Variants in INPP5D observed in about 807,000 individuals in gnomAD.
INPP5D encodes the protein phosphatidylinositol 3,4,5-trisphosphate 5-phosphatase 1.
INPP5D carries 33 observed loss-of-function variants against 122.9 expected under a neutral mutation model. The observed-to-expected ratio is 0.27, with a 90% CI of 0.20 to 0.36. The LOEUF (loss-of-function observed/expected upper bound fraction) is 0.36. Among genes scored for constraint, INPP5D ranks in the 10% least tolerant of loss-of-function variants. INPP5D has a pLI of 1.00. For missense variants in INPP5D, 1,053 were observed against 1,412.7 expected (o/e 0.75, Z 4.08); for synonymous variants, 584 against 576.2 (o/e 1.01, Z -0.19).
chr2:233,123,540 C>G (rs887171594), intron 3 of INPP5D, among the ~76,000 whole-genome samples: 2 of 152,004 alleles, frequency 1.3e-5, no homozygotes, highest in South Asian at 4.1e-4. Context: ...ACCAATAGAG[C>G]AACAGTCAGA....
chr2:233,161,971 G>A (rs188454720), intron 11 of INPP5D, 145 bp downstream of exon 11: 71 of 1,290,396 alleles, frequency 5.5e-5, no homozygotes, highest in Non-Finnish European at 6.7e-5. Context: ...CAGCCCACCC[G>A]CACAACCTCC....
At chr2:233,174,104 G>A (rs868011830) in intron 17 of INPP5D, among the ~76,000 whole-genome samples, 7 of 152,324 alleles carry the variant, frequency 4.6e-5, no homozygotes, top group Middle Eastern at 3.4e-3. Context: ...GTTACCTCCT[G>A]AAGGACCTGC....
intron 1 of INPP5D, among the ~76,000 whole-genome samples, chr2:233,074,580 A>T (rs1456267682): frequency 6.6e-6 from 1 of 150,546 alleles, no homozygotes; most frequent in Non-Finnish European, 1.5e-5. Flanking sequence ...GTTGCCACAC[A>T]TTTTCTTGTC....
At chr2:233,198,412 C>T (rs1186257065) in intron 25 of INPP5D, 36 bp downstream of exon 25, 9 of 1,581,882 alleles carry the variant, frequency 5.7e-6, no homozygotes, top group Non-Finnish European at 6.9e-6. Context: ...CTCCCTCCCT[C>T]CTTATGAAAG....
rs1282037337 is a variant in INPP5D, at chr2:233,177,226, T to C, written c.1990-39T>C. 1 of 1,612,676 alleles carries C rather than the reference T, an allele frequency of 6.2e-7. No individual in the cohort carries two copies. Among genetic ancestry groups the C allele is most frequent in the Non-Finnish European group, 8.5e-7 (1 of 1,179,078 alleles). ...CTTTTACTGATTAAAAAAATAATAA[T>C]AAGAGGCATTTTTTAAAGCCTATGA... On this transcript the variant is annotated intron_variant, in intron 17 of 26. Coordinates refer to ENST00000445964, the MANE Select transcript of INPP5D (RefSeq NM_001017915.3). This position sits in a 1 kb window ranked among gnomAD's most constrained non-coding sequence, Gnocchi z 4.2.
intron 2 of INPP5D, among the ~76,000 whole-genome samples, chr2:233,103,525 G>A (rs1028204914): frequency 6.6e-6 from 1 of 152,018 alleles, no homozygotes; most frequent in Non-Finnish European, 1.5e-5. Flanking sequence ...AGAGAGATTG[G>A]AGAACGGCAA....
chr2:233,131,174 C>T, intron 5 of INPP5D: 1 of 965,676 alleles, frequency 1.0e-6, no homozygotes, highest in Non-Finnish European at 1.2e-6. Context: ...GGTAAAGGTT[C>T]TGATTTCTTT....
intron 2 of INPP5D, among the ~76,000 whole-genome samples, chr2:233,080,325 A>T (rs1691643673): frequency 6.6e-6 from 1 of 152,198 alleles, no homozygotes; most frequent in African/African-American, 2.4e-5. Flanking sequence ...TCGCCACAAA[A>T]TGTGACAACT....
chr2:233,169,350 C>T lies in INPP5D; in HGVS notation c.1601C>T (p.Ser534Phe), dbSNP rs1398276891. 6.2e-7 allele frequency: 1 copy of T among 1,606,312 alleles called. No individual in the cohort carries two copies. Among genetic ancestry groups the T allele is most frequent in the Admixed American group, 1.7e-5 (1 of 58,888 alleles). ...VGVSFMFNGTSLGFVNSHLTS... is the reference protein window; with the variant it reads ...VGVSFMFNGTFLGFVNSHLTS... ...GTGTCGTTCATGTTCAATGGAACCT[C>T]CTTAGGGTTCGTCAACAGCCACTTG... is the stretch of plus-strand genomic sequence containing the variant. The change falls in exon 14 of 27, where the codon TCC becomes TTC. Residue 534 changes from serine to phenylalanine, a missense_variant. Around this residue, in one of 6 missense-constraint regions of INPP5D, gnomAD observed 258 missense variants for 439.1 expected, o/e 0.59. Transcript: ENST00000445964.
chr2:233,158,222 G>A (rs1694105675), intron 9 of INPP5D, 91 bp from the exon 10 acceptor site: 1 of 619,656 alleles, frequency 1.6e-6, no homozygotes, highest in Non-Finnish European at 2.9e-6. Context: ...GGGGACGGGA[G>A]TTGATAGTCA....
chr2:233,098,956 A>ATTTG (rs1379625226), intron 2 of INPP5D, among the ~76,000 whole-genome samples: 5 of 150,810 alleles, frequency 3.3e-5, no homozygotes, highest in African/African-American at 1.2e-4. Context: ...TTATTTATTT[A>ATTTG]TTTATTTATT....
chr2:233,086,153 C>CTTTCTTTCTT, intron 2 of INPP5D, among the ~76,000 whole-genome samples: 1 of 144,802 alleles, frequency 6.9e-6, no homozygotes. Flanking sequence ...TTCTTTCTTT[C>CTTTCTTTCTT]TTTCTTTCTT....
At chr2:233,193,780 C>G (rs1695111163) in intron 22 of INPP5D, 32 bp from the exon 23 acceptor site, 2 of 1,613,566 alleles carry the variant, frequency 1.2e-6, no homozygotes, top group Non-Finnish European at 1.7e-6. Flanking sequence ...AAGGCAGGGT[C>G]TTCACCCAGC....
chr2:233,066,282 G>A (rs1691224359), intron 1 of INPP5D, among the ~76,000 whole-genome samples: 1 of 152,200 alleles, frequency 6.6e-6, no homozygotes, highest in Non-Finnish European at 1.5e-5. Flanking sequence ...ATCAATTGGT[G>A]CCATCTCCCT....
At chr2:233,120,432 C>T (rs1184374848) in intron 2 of INPP5D, among the ~76,000 whole-genome samples, 3 of 152,110 alleles carry the variant, frequency 2.0e-5, no homozygotes, top group South Asian at 2.1e-4. Flanking sequence ...TGCAGTGAGC[C>T]GAGACTGTGC....
chr2:233,068,535 C>A (rs1018520734), intron 1 of INPP5D, among the ~76,000 whole-genome samples: 1 of 151,060 alleles, frequency 6.6e-6, no homozygotes, highest in African/African-American at 2.4e-5. Flanking sequence ...GTGGAGGTTG[C>A]AGTGAGCCGA....
At chr2:233,117,853 T>C (rs1692848896) in intron 2 of INPP5D, among the ~76,000 whole-genome samples, 1 of 152,176 alleles carries the variant, frequency 6.6e-6, no homozygotes, top group Admixed American at 6.5e-5. Flanking sequence ...TTGCCACTGT[T>C]TCTCTGCATC....
chr2:233,125,460 A>G (rs552206185), intron 3 of INPP5D, among the ~76,000 whole-genome samples: 9 of 152,346 alleles, frequency 5.9e-5, no homozygotes, highest in Admixed American at 5.9e-4. Context: ...CTGTGGGCTT[A>G]GTCCATCCAA....
intron 2 of INPP5D, among the ~76,000 whole-genome samples, chr2:233,121,509 C>A (rs1692977608): frequency 6.8e-6 from 1 of 147,248 alleles, no homozygotes; most frequent in Non-Finnish European, 1.5e-5. Context: ...TATAAAAATA[C>A]TTTTATTTTA....
Sources: gnomAD v4.1 joint callset for allele counts (sites outside exome capture counted in the v4.1 genomes callset) on GRCh38, gnomAD v4.1.1 for gene constraint, gnomAD v4.1.1 regional missense constraint, Gnocchi (gnomAD v3.1) non-coding constraint, MANE v1.5 for transcripts, NCBI Gene and HGNC (gene_info 2026-07-23, HGNC 2026-07-21) for gene names.